Variants in TEX9 observed in about 807,000 individuals in gnomAD.
TEX9 encodes the protein testis expressed 9.
In TEX9, 74 loss-of-function variants were observed where a neutral mutation model predicts 59.6. The ratio of observed to expected loss-of-function variants is 1.24; its 90% CI spans 1.03 to 1.51. The LOEUF is 1.51. Ranked by LOEUF, TEX9 falls within the 40% of genes most tolerant of loss-of-function variation. The probability of loss-of-function intolerance (pLI) is 0.00; values close to 1 mark genes in which losing one functional copy is unlikely to be tolerated. For missense variants in TEX9, 522 were observed against 447.8 expected, an observed-to-expected ratio of 1.17 and a Z score of -1.49; for synonymous variants, 186 against 152.2, an observed-to-expected ratio of 1.22 and a Z score of -1.64.
chr15:56,314,847 A>G (rs2045714959), intron 1 of TEX9, among the ~76,000 whole-genome samples: 1 of 151,932 alleles, frequency 6.6e-6, no homozygotes. Context: ...TGTTGGGTGC[A>G]TATATATTTA....
At chr15:56,309,647 G>C (rs2045559360) in intron 1 of TEX9, among the ~76,000 whole-genome samples, 2 of 133,156 alleles carry the variant, frequency 1.5e-5, no homozygotes, top group African/African-American at 5.5e-5. Context: ...TAAAAGTTGA[G>C]TGGAATTTAT....
chr15:56,398,837 A>C (rs2048615588), intron 9 of TEX9, among the ~76,000 whole-genome samples: 2 of 152,132 alleles, frequency 1.3e-5, no homozygotes, highest in South Asian at 4.1e-4. Context: ...CATTTTATAG[A>C]AACGGAAACT....
intron 1 of TEX9, among the ~76,000 whole-genome samples, chr15:56,262,586 T>G (rs1358678849): frequency 2.0e-5 from 3 of 152,230 alleles, no homozygotes; most frequent in African/African-American, 7.2e-5. Flanking sequence ...AGTGGTTAGG[T>G]GTAGTGTCAT....
At chr15:56,424,106 A>G (rs2050128097) in intron 10 of TEX9, among the ~76,000 whole-genome samples, 1 of 152,146 alleles carries the variant, frequency 6.6e-6, no homozygotes, top group South Asian at 2.1e-4. Context: ...CTTTTACTAT[A>G]GAGTAGTCTT....
chr15:56,395,369 A>G (rs1394379432), intron 9 of TEX9: 1 of 152,432 alleles, frequency 6.6e-6, no homozygotes, highest in Non-Finnish European at 1.5e-5. Flanking sequence ...TTATCTGTTT[A>G]TCAGTTCGTA....
intron 1 of TEX9, among the ~76,000 whole-genome samples, chr15:56,287,113 C>A (rs1360149430): frequency 5.3e-5 from 8 of 151,886 alleles, no homozygotes; most frequent in African/African-American, 1.9e-4. Context: ...ATGAAATAAA[C>A]GTTATGTCAA....
intron 1 of TEX9, among the ~76,000 whole-genome samples, chr15:56,256,407 C>A (rs11632091): frequency 0.13 from 19,762 of 151,848 alleles, 1,667 homozygotes; most frequent in East Asian, 0.43. Context: ...TCTACATATA[C>A]TCAGAGAAAA....
intron 1 of TEX9, among the ~76,000 whole-genome samples, chr15:56,290,122 G>A (rs1010508947): frequency 6.6e-6 from 1 of 152,306 alleles, no homozygotes; most frequent in Middle Eastern, 3.4e-3. Context: ...GAGCTGCCAT[G>A]CCTCTAGGAT....
intron 10 of TEX9, among the ~76,000 whole-genome samples, chr15:56,425,074 C>A (rs541584685): frequency 1.3e-5 from 2 of 152,166 alleles, no homozygotes; most frequent in Admixed American, 1.3e-4. Flanking sequence ...CTACTGACTT[C>A]TGGCCTGTAA....
chr15:56,447,895 A>G (rs2140365689), downstream of TEX9, among the ~76,000 whole-genome samples: 1 of 152,328 alleles, frequency 6.6e-6, no homozygotes, highest in Middle Eastern at 3.4e-3. Context: ...TATAAATGGA[A>G]TCATAGTGCA....
At chr15:56,278,398 T>C (rs1340443033) in intron 1 of TEX9, among the ~76,000 whole-genome samples, 2 of 152,178 alleles carry the variant, frequency 1.3e-5, no homozygotes, top group Admixed American at 1.3e-4. Flanking sequence ...AAGATTAGGT[T>C]AGTTGCGGGT....
At chr15:56,292,666 C>T (rs1185224954) in intron 1 of TEX9, among the ~76,000 whole-genome samples, 2 of 152,270 alleles carry the variant, frequency 1.3e-5, no homozygotes, top group South Asian at 2.1e-4. Context: ...TATTAGCTCA[C>T]AGCTATACCC....
rs535961401 is a variant in TEX9 at position 56,288,412 on chromosome 15, T to G, written c.-107+44134T>G. On this transcript the variant is annotated intron_variant, in intron 1 of 5. Transcript: ENST00000560827. Reference sequence around the variant, plus strand: ...TTGAAGGACTCTCTTTAGCATTTCTTAGAAGACAGGTCTAGGGGTGATAAA... The same window carrying G: ...TTGAAGGACTCTCTTTAGCATTTCTGAGAAGACAGGTCTAGGGGTGATAAA... Among the ~76,000 whole-genome samples the G allele has an allele frequency of 7.9e-5, 12 of 152,272 alleles. No homozygotes were observed. In the East Asian group the frequency reaches 2.3e-3, roughly 29 times the overall value.
rs2044706861 is a variant in TEX9 at position 56,277,718 on chromosome 15, A to G, written c.-107+33440A>G. On this transcript the variant is annotated intron_variant, in intron 1 of 5. Coordinates refer to the TEX9 transcript ENST00000560827. The stretch of plus-strand genomic sequence containing the variant: ...TTCTATGTATTCATTTCATTAGAGA[A>G]TTAGGTATACCTCACATTACATGGC... Among the ~76,000 whole-genome samples, 3 of 152,316 alleles carry G rather than the reference A, an allele frequency of 2.0e-5. No individual in the cohort carries two copies. In the South Asian group the frequency reaches 6.2e-4, roughly 32 times the overall value.
chr15:56,377,218 G>T (rs1343198858), intron 3 of TEX9, among the ~76,000 whole-genome samples: 1 of 152,138 alleles, frequency 6.6e-6, no homozygotes, highest in East Asian at 1.9e-4. Flanking sequence ...TTTTTGCTTA[G>T]GGTAGCTTTG....
chr15:56,428,921 A>C, intron 12 of TEX9: 1 of 537,920 alleles, frequency 1.9e-6, no homozygotes, highest in East Asian at 3.2e-5. Context: ...TACAAAAATA[A>C]CAGCTTGATT....
At chr15:56,359,901 T>G (rs1458190754) in intron 1 of TEX9, among the ~76,000 whole-genome samples, 1 of 152,182 alleles carries the variant, frequency 6.6e-6, no homozygotes, top group Non-Finnish European at 1.5e-5. Flanking sequence ...AACTTGAGGA[T>G]ATTTCCCTGT....
Position 56,412,288 on chromosome 15 carries a change from T to G in TEX9, c.829-14T>G, listed in dbSNP as rs751435757. 11 of 1,584,826 alleles carry G rather than the reference T, an allele frequency of 6.9e-6. No individual in the cohort carries two copies. The highest frequency in any genetic ancestry group is 2.2e-5 in the East Asian group (1 of 44,710). The stretch of plus-strand genomic sequence containing the variant: ...TATATTTATAAATGTTCCATAATCT[T>G]TTTTACTATACAGGAATTAGAAAAT... On this transcript the variant is annotated splice_polypyrimidine_tract_variant and intron_variant, in intron 9 of 12. Transcript: ENST00000352903.
At chr15:56,271,641 G>A (rs748101343) in intron 1 of TEX9, among the ~76,000 whole-genome samples, 2 of 151,876 alleles carry the variant, frequency 1.3e-5, no homozygotes, top group Non-Finnish European at 2.9e-5. Flanking sequence ...TATTGAAGTC[G>A]TATTTTCTGA....
Sources: gnomAD v4.1 joint callset for allele counts (sites outside exome capture counted in the v4.1 genomes callset) on GRCh38, gnomAD v4.1.1 for gene constraint, MANE v1.5 for transcripts, NCBI Gene and HGNC (gene_info 2026-07-23, HGNC 2026-07-21) for gene names.